RBPMS: variants seen among roughly 807,000 people sequenced by gnomAD.
RBPMS encodes the protein RNA-binding protein with multiple splicing.
A neutral mutation model predicts 26.8 loss-of-function variants in RBPMS; 7 were observed. The ratio of observed to expected loss-of-function variants is 0.26; its 90% CI spans 0.15 to 0.49. The LOEUF is 0.49. RBPMS is among the 20% of genes least tolerant of loss of function. The pLI is 0.98. For missense variants in RBPMS, 186 were observed against 250.0 expected (o/e 0.74, Z 1.73); for synonymous variants, 96 against 93.3 (o/e 1.03, Z -0.17).
At chr8:30,483,068 C>T (rs1818443235) in intron 4 of RBPMS, among the ~76,000 whole-genome samples, 1 of 152,096 alleles carries the variant, frequency 6.6e-6, no homozygotes, top group Non-Finnish European at 1.5e-5. Context: ...ACTGTGAGGA[C>T]CTCAAATTGT....
intron 1 of RBPMS, among the ~76,000 whole-genome samples, chr8:30,440,287 C>T (rs1008023637): frequency 6.6e-6 from 1 of 152,028 alleles, no homozygotes; most frequent in Non-Finnish European, 1.5e-5. Context: ...TGTTGCTCCA[C>T]AACTTTTACA....
intron 5 of RBPMS, among the ~76,000 whole-genome samples, chr8:30,520,853 C>A (rs1451793854): frequency 6.6e-6 from 1 of 151,376 alleles, no homozygotes; most frequent in East Asian, 1.9e-4. Flanking sequence ...TACTAAGATT[C>A]TTTGATTAGG....
At chr8:30,547,301 C>A in intron 6 of RBPMS, 1 of 1,604,358 alleles carries the variant, frequency 6.2e-7, no homozygotes. Context: ...GTGTTTCTCT[C>A]CTGAGGCAAA....
chr8:30,434,943 A>G (rs1812294994), intron 1 of RBPMS, among the ~76,000 whole-genome samples: 1 of 152,156 alleles, frequency 6.6e-6, no homozygotes. Context: ...GCAGAAAGAC[A>G]TAAAATGGAA....
At position 30,385,049 on chromosome 8, in the gene RBPMS, C is replaced by G. The variant is rs751416162; in HGVS notation, c.-44C>G. 2.1e-6 allele frequency: 3 copies of G among 1,459,898 alleles called. No homozygotes were observed. The African/African-American group carries it at 4.4e-5, about 22-fold the overall frequency. 90.4% of individuals were successfully genotyped at this position (1,459,898 alleles called of 1,614,324 possible). ...TGGGCTAGCGCGCCCTCGCCCAGCC[C>G]CGCGCCCCAGCCCTGCCCGGCCCGG... On this transcript the variant is annotated 5_prime_UTR_variant, in exon 1 of 9. Coordinates refer to ENST00000397323, the MANE Select transcript of RBPMS (RefSeq NM_001008710.3).
chr8:30,527,320 T>A (rs1300739884), intron 5 of RBPMS, among the ~76,000 whole-genome samples: 1 of 152,136 alleles, frequency 6.6e-6, no homozygotes, highest in Non-Finnish European at 1.5e-5. Flanking sequence ...TCGTCCCTAA[T>A]CACACAGCTA....
chr8:30,547,282 T>C (rs766122095), intron 6 of RBPMS: 3 of 1,572,736 alleles, frequency 1.9e-6, no homozygotes, highest in Admixed American at 1.8e-5. Context: ...GGATTTTTTT[T>C]TTCTTCTAGT....
In RBPMS at chr8:30,542,682, A is replaced by G. The variant is rs998889921; in HGVS notation, c.398-1812A>G. Reference sequence around the variant, plus strand: ...AAAATAGCCTGGTCGCTAAACAACAATAATAGTTTGGCATTCCTGAGAATG... The same window carrying G: ...AAAATAGCCTGGTCGCTAAACAACAGTAATAGTTTGGCATTCCTGAGAATG... On this transcript the variant is annotated intron_variant, in intron 5 of 8. Coordinates refer to ENST00000397323, the MANE Select transcript of RBPMS (RefSeq NM_001008710.3). Among the ~76,000 whole-genome samples the G allele has an allele frequency of 3.3e-5, 5 of 152,370 alleles. No individual in the cohort carries two copies. In the East Asian group the frequency reaches 9.6e-4, roughly 29 times the overall value.
Position 30,385,529 on chromosome 8 carries a change from CG to C in RBPMS, c.66+379del, listed in dbSNP as rs375768408. 876 of 181,806 alleles carry C rather than the reference CG, an allele frequency of 4.8e-3. 6 individuals are homozygous for C. Among genetic ancestry groups the C allele is most frequent in the African/African-American group, 0.02 (814 of 41,092 alleles). 11.3% of individuals were successfully genotyped at this position (181,806 alleles called of 1,614,324 possible). ...TGGAAATTGTGTATGGATTCAGGGT[CG>C]GGGGGGGAGCAGTTTAAGGAAGAAA... On this transcript the variant is annotated intron_variant, in intron 1 of 8. Transcript: ENST00000397323.
chr8:30,558,837 G>C (rs986345970), intron 6 of RBPMS, 50 bp from the exon 7 acceptor site: 8 of 1,485,794 alleles, frequency 5.4e-6, no homozygotes, highest in Non-Finnish European at 7.5e-6. Context: ...CGTGAGAATG[G>C]GGATATGCTG....
intron 5 of RBPMS, chr8:30,537,535 T>C (rs373696135): frequency 2.2e-6 from 1 of 454,570 alleles, no homozygotes; most frequent in Non-Finnish European, 4.4e-6. Flanking sequence ...GAGAAAGACA[T>C]AGAGAATATG....
At chr8:30,556,793 G>T in intron 6 of RBPMS, 1 of 985,832 alleles carries the variant, frequency 1.0e-6, no homozygotes, top group Non-Finnish European at 1.2e-6. Context: ...CATGAGCCGT[G>T]GGTAGGTATG....
chr8:30,522,394 A>G (rs550613741), intron 5 of RBPMS, among the ~76,000 whole-genome samples: 1 of 152,250 alleles, frequency 6.6e-6, no homozygotes, highest in South Asian at 2.1e-4. Flanking sequence ...AGTGATCTCA[A>G]CATTTGGAGA....
At chr8:30,541,809 G>A (rs1825417020) in intron 5 of RBPMS, among the ~76,000 whole-genome samples, 1 of 152,206 alleles carries the variant, frequency 6.6e-6, no homozygotes, top group African/African-American at 2.4e-5. Flanking sequence ...TGAAGGGCTT[G>A]TGCTGTGGAA....
At chr8:30,412,834 G>A (rs1385502653) in intron 1 of RBPMS, among the ~76,000 whole-genome samples, 1 of 152,190 alleles carries the variant, frequency 6.6e-6, no homozygotes, top group East Asian at 1.9e-4. Flanking sequence ...TCCAACAATA[G>A]TATGTAAACA....
At position 30,477,085 on chromosome 8, in the gene RBPMS, G is replaced by C. The variant is rs1026383022; in HGVS notation, c.145-714G>C. On this transcript the variant is annotated intron_variant, in intron 2 of 8. Transcript: ENST00000397323. ...ACTATATTTTTTTGAGACGGAGTCT[G>C]GCTGTGTCTCCCAGGCTGGAGTGTA... is the stretch of plus-strand genomic sequence containing the variant. Among the ~76,000 whole-genome samples the C allele has an allele frequency of 2.0e-5, 3 of 152,120 alleles. No homozygotes were observed. The South Asian group carries it at 6.2e-4, about 31-fold the overall frequency.
At chr8:30,548,372 A>G (rs1417676718) in intron 6 of RBPMS, among the ~76,000 whole-genome samples, 1 of 152,166 alleles carries the variant, frequency 6.6e-6, no homozygotes. Context: ...GAAACACACC[A>G]TACACCCTGT....
At chr8:30,514,582 T>G (rs1372403862) in intron 5 of RBPMS, among the ~76,000 whole-genome samples, 1 of 151,560 alleles carries the variant, frequency 6.6e-6, no homozygotes, top group Non-Finnish European at 1.5e-5. Context: ...TGTCACTCTG[T>G]CACCCAGGCT....
At chr8:30,508,322 T>C (rs1214992991) in intron 5 of RBPMS, among the ~76,000 whole-genome samples, 1 of 152,226 alleles carries the variant, frequency 6.6e-6, no homozygotes, top group Non-Finnish European at 1.5e-5. Context: ...CACTCTGGTA[T>C]ATCACTATGG....
Sources: gnomAD v4.1 joint callset for allele counts (sites outside exome capture counted in the v4.1 genomes callset) on GRCh38, gnomAD v4.1.1 for gene constraint, MANE v1.5 for transcripts, NCBI Gene and HGNC (gene_info 2026-07-23, HGNC 2026-07-21) for gene names.